Variants in TNS3 observed in about 807,000 individuals in gnomAD.
TNS3 encodes tensin-3.
TNS3 carries 45 observed loss-of-function variants against 140.9 expected under a neutral mutation model. That is an observed-to-expected ratio of 0.32 (90% CI 0.25 to 0.41). The LOEUF (loss-of-function observed/expected upper bound fraction) is 0.41, where lower values mean the gene tolerates loss of function less well. Among genes scored for constraint, TNS3 ranks in the 10% least tolerant of loss-of-function variants. TNS3 has a pLI of 1.00. For synonymous variants in TNS3, 815 were observed against 788.4 expected (o/e 1.03, Z -0.56); for missense variants, 1,716 against 1,906.7 (o/e 0.90, Z 1.86).
At chr7:47,303,868 C>T (rs1446359983) in intron 21 of TNS3, among the ~76,000 whole-genome samples, 1 of 152,206 alleles carries the variant, frequency 6.6e-6, no homozygotes, top group Non-Finnish European at 1.5e-5. Flanking sequence ...GCTGCTCCCT[C>T]GGCCCCTGCG....
At chr7:47,414,237 G>T (rs147931295) in intron 11 of TNS3, among the ~76,000 whole-genome samples, 2,181 of 152,240 alleles carry the variant, frequency 0.014, 54 homozygotes, top group African/African-American at 0.05. Context: ...GGCTCCTGAA[G>T]TGAAGCCAAG....
At chr7:47,466,245 T>G (rs1057205002) in intron 4 of TNS3, among the ~76,000 whole-genome samples, 10 of 151,812 alleles carry the variant, frequency 6.6e-5, no homozygotes, top group African/African-American at 1.9e-4. Context: ...CTCTGCCTCC[T>G]GGGTTCAAGC....
chr7:47,474,678 A>G, intron 4 of TNS3, among the ~76,000 whole-genome samples: 1 of 144,962 alleles, frequency 6.9e-6, no homozygotes, highest in East Asian at 2.1e-4. Context: ...CACACACACA[A>G]AACACCTCAC....
chr7:47,372,382 A>T (rs1791125986), intron 16 of TNS3, among the ~76,000 whole-genome samples: 1 of 152,212 alleles, frequency 6.6e-6, no homozygotes, highest in Admixed American at 6.5e-5. Context: ...CCCAATAATG[A>T]GTTGTAAAAC....
At chr7:47,320,441 A>C (rs933076365) in intron 20 of TNS3, among the ~76,000 whole-genome samples, 1 of 152,216 alleles carries the variant, frequency 6.6e-6, no homozygotes, top group African/African-American at 2.4e-5. Context: ...TTGGGCTGCT[A>C]TAAAAAATAC....
At chr7:47,515,368 T>C (rs1388784661) in intron 2 of TNS3, among the ~76,000 whole-genome samples, 1 of 152,104 alleles carries the variant, frequency 6.6e-6, no homozygotes, top group African/African-American at 2.4e-5. Flanking sequence ...ATCACAATCG[T>C]TACCATTGCC....
intron 20 of TNS3, among the ~76,000 whole-genome samples, chr7:47,323,728 C>T (rs1787878132): frequency 6.6e-6 from 1 of 152,152 alleles, no homozygotes; most frequent in African/African-American, 2.4e-5. Flanking sequence ...GATTTCTATG[C>T]TACGCTCCAA....
chr7:47,514,497 T>C (rs1798715789), intron 2 of TNS3, among the ~76,000 whole-genome samples: 1 of 152,178 alleles, frequency 6.6e-6, no homozygotes, highest in South Asian at 2.1e-4. Context: ...GAACAACCCA[T>C]TACCAAATCT....
intron 7 of TNS3, among the ~76,000 whole-genome samples, chr7:47,436,983 A>G (rs1220688932): frequency 6.6e-6 from 1 of 152,190 alleles, no homozygotes; most frequent in South Asian, 2.1e-4. Context: ...ACCAATGCCA[A>G]CTTCCTGACC....
At chr7:47,533,139 T>C (rs1210617002) in intron 1 of TNS3, among the ~76,000 whole-genome samples, 8 of 98,464 alleles carry the variant, frequency 8.1e-5, no homozygotes, top group Non-Finnish European at 1.5e-4. Flanking sequence ...TTTTTTTTTT[T>C]TTTTTTTTTT....
At chr7:47,489,591 C>T (rs1331763038) in intron 3 of TNS3, among the ~76,000 whole-genome samples, 1 of 152,234 alleles carries the variant, frequency 6.6e-6, no homozygotes, top group African/African-American at 2.4e-5. Flanking sequence ...CAGGCCTTCG[C>T]TGGCCTCAGG....
intron 20 of TNS3, among the ~76,000 whole-genome samples, chr7:47,341,933 T>C (rs528855285): frequency 6.6e-6 from 1 of 152,260 alleles, no homozygotes; most frequent in East Asian, 1.9e-4. Context: ...CAGTTCAGTA[T>C]GTTTTTGGAT....
At chr7:47,465,155 T>C (rs1292271155) in intron 4 of TNS3, among the ~76,000 whole-genome samples, 1 of 152,256 alleles carries the variant, frequency 6.6e-6, no homozygotes, top group Non-Finnish European at 1.5e-5. Context: ...TGTTACTATT[T>C]TACAAAGCAG....
At chr7:47,459,705 G>C (rs1329107129) in intron 4 of TNS3, among the ~76,000 whole-genome samples, 1 of 152,064 alleles carries the variant, frequency 6.6e-6, no homozygotes, top group Non-Finnish European at 1.5e-5. Context: ...GGAGGGGCAG[G>C]GCAGTGGAAG....
chr7:47,581,884 C>G (rs1462431187), intron 1 of TNS3, among the ~76,000 whole-genome samples, 167 bp downstream of exon 1: 1 of 150,786 alleles, frequency 6.6e-6, no homozygotes, highest in Non-Finnish European at 1.5e-5. Context: ...CCGCGCTCCC[C>G]GAACTCTGTC....
intron 2 of TNS3, among the ~76,000 whole-genome samples, chr7:47,516,973 G>C (rs866693145): frequency 6.6e-6 from 1 of 152,190 alleles, no homozygotes; most frequent in Admixed American, 6.5e-5. Flanking sequence ...TGAGGCAGGA[G>C]AATCACTTGA....
At chr7:47,446,044 ACT>A (rs3037441) in intron 4 of TNS3, among the ~76,000 whole-genome samples, 48,165 of 151,480 alleles carry the variant, frequency 0.32, 7,746 homozygotes, top group Non-Finnish European at 0.35. Flanking sequence ...GGTTTAAAAA[ACT>A]CTCTCTACTT....
At chr7:47,305,467 C>A (rs1469058385) in intron 20 of TNS3, among the ~76,000 whole-genome samples, 1 of 152,256 alleles carries the variant, frequency 6.6e-6, no homozygotes, top group Non-Finnish European at 1.5e-5. Context: ...TAAGTGCAGG[C>A]CCTGCGGCAG....
chr7:47,443,072 A>G (rs956314222), intron 4 of TNS3, among the ~76,000 whole-genome samples: 3 of 152,144 alleles, frequency 2.0e-5, no homozygotes, highest in African/African-American at 7.2e-5. Context: ...CTCCCAAGAC[A>G]GGGGCAGGAT....
Sources: allele counts gnomAD v4.1 joint callset (sites outside exome capture counted in the v4.1 genomes callset), GRCh38; gene constraint gnomAD v4.1.1; transcripts MANE v1.5; gene names NCBI Gene and HGNC (gene_info 2026-07-23, HGNC 2026-07-21).